Variants in ADAMTS3 observed in about 807,000 individuals in gnomAD.
The protein encoded by ADAMTS3 is A disintegrin and metalloproteinase with thrombospondin motifs 3.
A neutral mutation model predicts 129.0 loss-of-function variants in ADAMTS3; 73 were observed. The observed-to-expected ratio is 0.57, with a 90% CI of 0.47 to 0.69. ADAMTS3 has a LOEUF of 0.69. Among genes scored for constraint, ADAMTS3 ranks in the 30% least tolerant of loss-of-function variants. ADAMTS3 has a pLI of 0.00. For missense variants in ADAMTS3, 1,457 were observed against 1,514.5 expected, an observed-to-expected ratio of 0.96 and a Z score of 0.63; for synonymous variants, 477 against 510.8, an observed-to-expected ratio of 0.93 and a Z score of 0.89.
At chr4:72,303,044 G>A (rs1718991656) in intron 17 of ADAMTS3, among the ~76,000 whole-genome samples, 1 of 152,142 alleles carries the variant, frequency 6.6e-6, no homozygotes, top group African/African-American at 2.4e-5. Flanking sequence ...GCTTTGCACA[G>A]CTCTAGGAAA....
chr4:72,332,460 G>T (rs568304987), intron 5 of ADAMTS3, among the ~76,000 whole-genome samples: 4 of 152,192 alleles, frequency 2.6e-5, no homozygotes, highest in South Asian at 2.1e-4. Flanking sequence ...AATATACAAA[G>T]AAACTGATGA....
At chr4:72,338,405 A>G (rs1224271364) in intron 5 of ADAMTS3, among the ~76,000 whole-genome samples, 2 of 152,152 alleles carry the variant, frequency 1.3e-5, no homozygotes, top group Admixed American at 1.3e-4. Context: ...AACAAATAAA[A>G]ATGTGTTTGA....
intron 13 of ADAMTS3, 100 bp from the exon 14 acceptor site, chr4:72,311,281 C>T: frequency 2.8e-6 from 3 of 1,079,342 alleles, no homozygotes; most frequent in Non-Finnish European, 3.8e-6. Flanking sequence ...ACTGTGATTT[C>T]CTGAAAACAA....
intron 3 of ADAMTS3, among the ~76,000 whole-genome samples, chr4:72,462,260 C>T (rs185409790): frequency 6.6e-5 from 10 of 151,852 alleles, no homozygotes; most frequent in South Asian, 2.1e-4. Flanking sequence ...AGCAACCTCA[C>T]GAGATTATCA....
At chr4:72,347,864 G>A (rs567617089) in intron 4 of ADAMTS3, among the ~76,000 whole-genome samples, 1 of 152,002 alleles carries the variant, frequency 6.6e-6, no homozygotes, top group Non-Finnish European at 1.5e-5. Context: ...GAAGAGAGGT[G>A]AGATTCCTTT....
At chr4:72,417,674 T>C (rs1722338222) in intron 3 of ADAMTS3, among the ~76,000 whole-genome samples, 1 of 152,004 alleles carries the variant, frequency 6.6e-6, no homozygotes, top group South Asian at 2.1e-4. Flanking sequence ...CTCACACCTG[T>C]AATCCCAGCA....
At chr4:72,500,115 G>C (rs1015978904) in intron 3 of ADAMTS3, among the ~76,000 whole-genome samples, 4 of 152,100 alleles carry the variant, frequency 2.6e-5, no homozygotes, top group African/African-American at 9.7e-5. Context: ...TTGGTAGAAT[G>C]ATTTATTTTC....
intron 2 of ADAMTS3, among the ~76,000 whole-genome samples, chr4:72,549,964 AGAAGAAGAAGAAGAAGAAGAAGAAGAAG>A (rs1721572314): frequency 1.5e-5 from 1 of 67,496 alleles, no homozygotes; most frequent in East Asian, 6.9e-4. Flanking sequence ...AAAAAAAAAA[AGAAGAAGAAGAAGAAGAAGAAGAAGAAG>A]AGGAAGAGGA....
At chr4:72,299,758 A>G (rs892379521) in intron 17 of ADAMTS3, among the ~76,000 whole-genome samples, 2 of 152,156 alleles carry the variant, frequency 1.3e-5, no homozygotes, top group Non-Finnish European at 2.9e-5. Flanking sequence ...TTACTCACAT[A>G]TTTTAAACAC....
chr4:72,462,885 A>C lies in ADAMTS3; in HGVS notation c.505-47914T>G, dbSNP rs113210986. 7.5e-3 allele frequency among the ~76,000 whole-genome samples: 1,135 copies of C among 152,014 alleles called. 26 individuals carry two copies. The highest frequency in any genetic ancestry group is 0.026 in the African/African-American group (1,078 of 41,488). On this transcript the variant is annotated intron_variant, in intron 3 of 21. Coordinates refer to ENST00000286657, the MANE Select transcript of ADAMTS3 (RefSeq NM_014243.3). Reference sequence around the variant, plus strand: ...CTCAAGTTATTATTGAAGAAAGAAAATTTTTAAAATAAATTTAGTGTAGCC... The same window carrying C: ...CTCAAGTTATTATTGAAGAAAGAAACTTTTTAAAATAAATTTAGTGTAGCC...
Position 72,334,795 on chromosome 4 carries a change from G to T in ADAMTS3, c.861+4699C>A, listed in dbSNP as rs996355761. ...GATATGATATGGAATCCTAAGAAAG[G>T]CTTAACATATATGACAAATCTCTTA... On this transcript the variant is annotated intron_variant, in intron 5 of 21. Coordinates refer to ENST00000286657, the MANE Select transcript of ADAMTS3 (RefSeq NM_014243.3). 3.7e-4 allele frequency among the ~76,000 whole-genome samples: 56 copies of T among 152,014 alleles called. 1 individual carries two copies. Among genetic ancestry groups the T allele is most frequent in the African/African-American group, 1.4e-3 (56 of 41,366 alleles).
intron 2 of ADAMTS3, among the ~76,000 whole-genome samples, chr4:72,551,827 G>A (rs1025894131): frequency 2.0e-5 from 3 of 152,100 alleles, no homozygotes; most frequent in Admixed American, 6.6e-5. Flanking sequence ...CTATGCTCTC[G>A]TTCACTTCTG....
At chr4:72,463,698 CAAAA>C (rs3034505) in intron 3 of ADAMTS3, among the ~76,000 whole-genome samples, 98 of 123,304 alleles carry the variant, frequency 7.9e-4, no homozygotes, top group Non-Finnish European at 8.7e-4. Flanking sequence ...CTAAAACAGG[CAAAA>C]AAAAAAAAAA....
intron 3 of ADAMTS3, 55 bp downstream of exon 3, chr4:72,548,423 C>T: frequency 1.3e-6 from 2 of 1,559,876 alleles, no homozygotes; most frequent in African/African-American, 1.4e-5. Flanking sequence ...ATGCAGAAGC[C>T]ATGGCTGCAC....
chr4:72,316,631 T>C (rs887026548), intron 10 of ADAMTS3, among the ~76,000 whole-genome samples: 1 of 151,858 alleles, frequency 6.6e-6, no homozygotes, highest in Non-Finnish European at 1.5e-5. Context: ...GAGGTTGCAG[T>C]GAGCCGAGAT....
intron 1 of ADAMTS3, 84 bp from the exon 2 acceptor site, chr4:72,567,485 G>T: frequency 3.6e-6 from 5 of 1,386,894 alleles, no homozygotes; most frequent in Non-Finnish European, 5.1e-6. Context: ...ACCATTAATG[G>T]TTTCCAAGAG....
At chr4:72,554,260 A>G (rs186173480) in intron 2 of ADAMTS3, among the ~76,000 whole-genome samples, 54 of 152,358 alleles carry the variant, frequency 3.5e-4, no homozygotes, top group Admixed American at 3.3e-3. Context: ...TTATTTCAAT[A>G]TACTTAGAAA....
At chr4:72,394,001 T>C (rs948634540) in intron 4 of ADAMTS3, among the ~76,000 whole-genome samples, 4 of 152,204 alleles carry the variant, frequency 2.6e-5, no homozygotes, top group Admixed American at 2.0e-4. Context: ...CAGCTCACTC[T>C]TTTCTTTTTC....
intron 2 of ADAMTS3, among the ~76,000 whole-genome samples, chr4:72,554,318 G>A (rs1451479477): frequency 6.6e-6 from 1 of 152,056 alleles, no homozygotes; most frequent in African/African-American, 2.4e-5. Context: ...TTTCCTAGTG[G>A]TTTCCAAACT....
Sources: gnomAD v4.1 joint callset for allele counts (sites outside exome capture counted in the v4.1 genomes callset) on GRCh38, gnomAD v4.1.1 for gene constraint, MANE v1.5 for transcripts, NCBI Gene and HGNC (gene_info 2026-07-23, HGNC 2026-07-21) for gene names.